Variants in MFSD12 observed in about 807,000 individuals in gnomAD.
MFSD12 encodes the protein major facilitator superfamily domain-containing protein 12.
Under a neutral mutation model 51.2 loss-of-function variants are expected in MFSD12, and 67 were observed. The observed-to-expected ratio is 1.31, with a 90% CI of 1.08 to 1.60. The LOEUF is 1.60. Among genes scored for constraint, MFSD12 ranks in the 40% most tolerant of loss-of-function variants. The pLI is 0.00. For missense variants in MFSD12, 921 were observed against 673.0 expected, an observed-to-expected ratio of 1.37 and a Z score of -4.08; for synonymous variants, 441 against 316.7, an observed-to-expected ratio of 1.39 and a Z score of -4.17.
chr19:3,543,713 G>A (rs368921973), downstream of MFSD12: 8 of 1,502,034 alleles, frequency 5.3e-6, no homozygotes, highest in African/African-American at 9.7e-5. Flanking sequence ...TCCTTGGGAG[G>A]CCAGGGGGAC....
Position 3,547,504 on chromosome 19 carries a change from G to T in MFSD12, c.881C>A (p.Ser294Tyr). 2 of 1,613,072 alleles carry T rather than the reference G, an allele frequency of 1.2e-6. No individual in the cohort carries two copies. Among genetic ancestry groups the T allele is most frequent in the South Asian group, 2.2e-5 (2 of 91,036 alleles). The change falls in exon 5 of 10, where the codon TCC becomes TAC. Residue 294 changes from serine (S) to tyrosine (Y), a missense_variant. By Grantham distance (144) the Ser-to-Tyr change is moderately radical. Transcript: ENST00000355415. ...YMTTRLIVNL[S>Y]QTYMAMYLTY... ...GAGGTACATGGCCATGTAGGTCTGG[G>T]ACAGGTTCACGATGAGCCTGGTGGT...
At chr19:3,553,372 C>T (rs1176334696) in intron 1 of MFSD12, among the ~76,000 whole-genome samples, 8 of 151,292 alleles carry the variant, frequency 5.3e-5, no homozygotes, top group Non-Finnish European at 8.8e-5. Flanking sequence ...CTTTGGGAGG[C>T]TGAGGTGGGA....
chr19:3,543,215 T>C (rs754442288), downstream of MFSD12: 14 of 1,538,286 alleles, frequency 9.1e-6, no homozygotes, highest in African/African-American at 6.9e-5. Flanking sequence ...GCTCAGTCTC[T>C]GCCCCCTGCC....
intron 1 of MFSD12, among the ~76,000 whole-genome samples, chr19:3,556,143 G>T (rs978873777): frequency 2.0e-5 from 3 of 152,230 alleles, no homozygotes; most frequent in African/African-American, 7.2e-5. Context: ...TCCCGGAGCA[G>T]CACCCTCAAA....
chr19:3,552,467 C>CTTTT lies in MFSD12; in HGVS notation c.299-1277_299-1274dup, dbSNP rs397859575. ...ACAGGCGTGAGCCACCGCGCCCCGC[C>CTTTT]TTTTTTTTTTTTTTTTTTTTTTTTT... On this transcript the variant is annotated intron_variant, in intron 1 of 9. Coordinates refer to ENST00000355415, the MANE Select transcript of MFSD12 (RefSeq NM_174983.5). Among the ~76,000 whole-genome samples the CTTTT allele has an allele frequency of 2.9e-3, 192 of 65,226 alleles. 5 individuals carry two copies. Among genetic ancestry groups the CTTTT allele is most frequent in the African/African-American group, 0.01 (168 of 16,004 alleles). The allele number at this position is 65,226 out of a possible 152,430, so 42.8% of individuals were successfully genotyped here.
At chr19:3,552,702 G>A (rs1209608420) in intron 1 of MFSD12, among the ~76,000 whole-genome samples, 1 of 151,664 alleles carries the variant, frequency 6.6e-6, no homozygotes, top group Non-Finnish European at 1.5e-5. Context: ...CCAGGCTGAA[G>A]TCGAACTCCT....
chr19:3,554,154 T>C (rs1282733090), intron 1 of MFSD12, among the ~76,000 whole-genome samples: 1 of 151,508 alleles, frequency 6.6e-6, no homozygotes, highest in African/African-American at 2.4e-5. Context: ...TTCCTGCCCA[T>C]GGCCAGGCGT....
At position 3,548,046 on chromosome 19, in the gene MFSD12, A is replaced by C; in HGVS notation, c.655-16T>G. 6.2e-7 allele frequency: 1 copy of C among 1,600,324 alleles called. No individual in the cohort carries two copies. Among genetic ancestry groups the C allele is most frequent in the Non-Finnish European group, 8.5e-7 (1 of 1,179,316 alleles). On this transcript the variant is annotated splice_polypyrimidine_tract_variant and intron_variant, in intron 3 of 9. Transcript: ENST00000355415. ...GGGACAGGTTCTGGGGATGCAGCAG[A>C]AGCAGTCAGTGGTGGCGGGCCCAGC...
At chr19:3,542,479 T>A, downstream of MFSD12, 2 of 984,774 alleles carry the variant, frequency 2.0e-6, no homozygotes, top group East Asian at 1.1e-4. Context: ...GAGTCTCTTG[T>A]CTTTTTGTTT....
At chr19:3,543,269 C>T (rs1419227111), downstream of MFSD12, 7 of 1,547,280 alleles carry the variant, frequency 4.5e-6, no homozygotes, top group Non-Finnish European at 6.1e-6. Flanking sequence ...TTCCCGCTGG[C>T]CACCAGCCAT....
chr19:3,557,424 C>A lies in MFSD12; in HGVS notation c.-21G>T, dbSNP rs1187021337. On this transcript the variant is annotated 5_prime_UTR_variant, in exon 1 of 10. Transcript: ENST00000355415. ...CCCATCGCGGCGCCGGGCCCGCGCC[C>A]CCCACCCCCGGGCTCCGCGGAGGGT... is the stretch of plus-strand genomic sequence containing the variant. 3.8e-5 allele frequency: 46 copies of A among 1,209,084 alleles called. No homozygotes were observed. The highest frequency in any genetic ancestry group is 4.7e-5 in the Non-Finnish European group (46 of 968,542). The allele number at this position is 1,209,084 out of a possible 1,614,324, so 74.9% of individuals were successfully genotyped here.
At chr19:3,550,460 T>C (rs554114731) in intron 2 of MFSD12, among the ~76,000 whole-genome samples, 38 of 152,060 alleles carry the variant, frequency 2.5e-4, no homozygotes, top group African/African-American at 8.4e-4. Context: ...GGCGCTATCT[T>C]GGCTCACTGC....
downstream of MFSD12, among the ~76,000 whole-genome samples, chr19:3,540,317 G>A (rs1017126689): frequency 4.0e-5 from 6 of 151,552 alleles, no homozygotes; most frequent in Non-Finnish European, 5.9e-5. Context: ...GAACGCAATG[G>A]TGCAATCTTG....
At position 3,548,120 on chromosome 19, in the gene MFSD12, C is replaced by T. The variant is rs1480940081; in HGVS notation, c.654+3G>A. ...CAGGCGACCCACCCGGACTCCAGCT[C>T]ACCCGGAACACGGGCACGTCCTGGC... On this transcript the variant is annotated splice_donor_region_variant and intron_variant, in intron 3 of 9. Transcript: ENST00000355415. The T allele has an allele frequency of 3.7e-6, 6 of 1,606,220 alleles. No individual in the cohort carries two copies. In the South Asian group the frequency reaches 6.6e-5, roughly 18 times the overall value.
rs768840214 is a variant in MFSD12 at position 3,546,043 on chromosome 19, A to G, written c.1289+31T>C. ...GCGCTTAATCCCCTCTTACTGAACA[A>G]AAGAATGAATGAACGAACAGCGGCA... On this transcript the variant is annotated intron_variant, in intron 8 of 9. Coordinates refer to ENST00000355415, the MANE Select transcript of MFSD12 (RefSeq NM_174983.5). 5.0e-6 allele frequency: 8 copies of G among 1,609,764 alleles called. No homozygotes were observed. The South Asian group carries it at 7.7e-5, about 15-fold the overall frequency.
rs530213889 is a variant in MFSD12 at position 3,546,142 on chromosome 19, G to A, written c.1221C>T (p.Ser407=). The stretch of plus-strand genomic sequence containing the variant: ...TGGCCACCTTATCCAAGAAGCTCAT[G>A]GAGCCGTACACGAACGCTCCGCTGT... ...HTNSGAFVYG[S]MSFLDKVANG... Residue 407 remains serine (S), a synonymous_variant, in exon 8 of 10, where the codon TCC becomes TCT. Coordinates refer to ENST00000355415, the MANE Select transcript of MFSD12 (RefSeq NM_174983.5). 3.7e-6 allele frequency: 6 copies of A among 1,613,268 alleles called. No individual in the cohort carries two copies. The highest frequency in any genetic ancestry group is 3.3e-5 in the South Asian group (3 of 91,084).
At chr19:3,555,170 G>A (rs2031670748) in intron 1 of MFSD12, among the ~76,000 whole-genome samples, 1 of 152,104 alleles carries the variant, frequency 6.6e-6, no homozygotes, top group South Asian at 2.1e-4. Context: ...GTGCAGTGGC[G>A]CGATCTTGGC....
At chr19:3,541,924 C>T (rs1182234395), downstream of MFSD12, 2 of 542,614 alleles carry the variant, frequency 3.7e-6, no homozygotes, top group Non-Finnish European at 2.3e-6. Context: ...ATTCTCCTGC[C>T]TCAGCTTCCC....
intron 2 of MFSD12, among the ~76,000 whole-genome samples, chr19:3,550,107 T>C (rs2031384813): frequency 6.6e-6 from 1 of 151,978 alleles, no homozygotes; most frequent in Admixed American, 6.6e-5. Context: ...CACGTGAGCA[T>C]AGAGGAGGGA....
Sources: allele counts gnomAD v4.1 joint callset (sites outside exome capture counted in the v4.1 genomes callset), GRCh38; gene constraint gnomAD v4.1.1; transcripts MANE v1.5; gene names NCBI Gene and HGNC (gene_info 2026-07-23, HGNC 2026-07-21).